The following FNDC3B variants were observed in gnomAD, a reference collection of about 807,000 sequenced individuals.
FNDC3B encodes the protein fibronectin type III domain-containing protein 3B.
A neutral mutation model predicts 151.5 loss-of-function variants in FNDC3B; 12 were observed. The observed-to-expected ratio is 0.08, with a 90% CI of 0.05 to 0.13. The LOEUF is 0.13. Ranked by LOEUF, FNDC3B falls within the 10% of genes least tolerant of loss-of-function variation. The pLI is 1.00. For synonymous variants in FNDC3B, 528 were observed against 549.0 expected (o/e 0.96, Z 0.54); for missense variants, 1,214 against 1,505.3 (o/e 0.81, Z 3.20).
intron 11 of FNDC3B, among the ~76,000 whole-genome samples, chr3:172,323,575 G>A (rs143108739): frequency 1.3e-5 from 2 of 152,178 alleles, no homozygotes; most frequent in East Asian, 3.9e-4. Flanking sequence ...CCTTGTGGGG[G>A]GAAAAAGAAA....
At chr3:172,056,797 G>T (rs776269694) in intron 1 of FNDC3B, among the ~76,000 whole-genome samples, 7 of 152,196 alleles carry the variant, frequency 4.6e-5, no homozygotes, top group Non-Finnish European at 7.3e-5. Context: ...CTTTAAAAGC[G>T]TATGTGAATA....
In FNDC3B at chr3:172,260,973, AAAC is replaced by A. The variant is rs1160325296; in HGVS notation, c.790+9439_790+9441del. 3.3e-5 allele frequency among the ~76,000 whole-genome samples: 5 copies of A among 152,320 alleles called. No individual in the cohort carries two copies. The South Asian group carries it at 8.3e-4, about 25-fold the overall frequency. On this transcript the variant is annotated intron_variant, in intron 6 of 25. Transcript: ENST00000415807. ...GGGACATTAGCTGGAGGCGATGGGC[AAAC>A]AACAACTTCTCTATATTTATTTTTC...
At chr3:172,250,696 A>T (rs1189347640) in intron 5 of FNDC3B, among the ~76,000 whole-genome samples, 1 of 152,226 alleles carries the variant, frequency 6.6e-6, no homozygotes, top group Non-Finnish European at 1.5e-5. Flanking sequence ...TGTCTTCAGT[A>T]TTCTCTGTAA....
At chr3:172,235,368 G>T (rs1727097330) in intron 4 of FNDC3B, among the ~76,000 whole-genome samples, 1 of 152,186 alleles carries the variant, frequency 6.6e-6, no homozygotes, top group Non-Finnish European at 1.5e-5. Flanking sequence ...GAATAATAAA[G>T]ATGTAATTTC....
At chr3:172,066,258 G>A (rs186651873) in intron 1 of FNDC3B, among the ~76,000 whole-genome samples, 3 of 152,182 alleles carry the variant, frequency 2.0e-5, no homozygotes, top group Non-Finnish European at 4.4e-5. Flanking sequence ...GGGGAGATGA[G>A]CAGTGAGGCG....
chr3:172,262,965 G>A (rs1331360630), intron 6 of FNDC3B, among the ~76,000 whole-genome samples: 1 of 142,912 alleles, frequency 7.0e-6, no homozygotes, highest in Non-Finnish European at 1.5e-5. Context: ...TTCCTTTATT[G>A]CTGGGTTAGT....
intron 1 of FNDC3B, among the ~76,000 whole-genome samples, chr3:172,072,299 GC>G (rs1252599351): frequency 6.6e-6 from 1 of 151,268 alleles, no homozygotes; most frequent in Non-Finnish European, 1.5e-5. Flanking sequence ...GGACAGAGAG[GC>G]TATAGAGTTT....
At position 172,347,342 on chromosome 3, in the gene FNDC3B, A is replaced by G; in HGVS notation, c.2495A>G (p.Gln832Arg). The change falls in exon 21 of 26, where the codon CAG becomes CGG. Residue 832 changes from glutamine to arginine, a missense_variant. Physicochemically the swap from Gln to Arg is conservative, Grantham distance 43. Around this residue, in one of 7 missense-constraint regions of FNDC3B, gnomAD observed 380 missense variants for 420.9 expected, o/e 0.90. Transcript: ENST00000415807. ...ATAAGAGACCTGTTGCCTGCTGCAC[A>G]GTATTGCTGTAGACTACAGGTAGGT... ...FEIRDLLPAAQYCCRLQAFNQ... is the reference protein window; with the variant it reads ...FEIRDLLPAARYCCRLQAFNQ... 1.2e-6 allele frequency: 2 copies of G among 1,613,856 alleles called. No individual in the cohort carries two copies. The highest frequency in any genetic ancestry group is 1.7e-6 in the Non-Finnish European group (2 of 1,179,868).
intron 7 of FNDC3B, among the ~76,000 whole-genome samples, chr3:172,287,221 G>A (rs1730067943): frequency 6.6e-6 from 1 of 152,168 alleles, no homozygotes; most frequent in Non-Finnish European, 1.5e-5. Flanking sequence ...ACTTGTTTCT[G>A]TGTCTTTCCC....
rs1576933358 is a variant in FNDC3B at position 172,346,335 on chromosome 3, C to T, written c.2259C>T (p.Pro753=). 1 of 1,604,680 alleles carries T rather than the reference C, an allele frequency of 6.2e-7. No individual in the cohort carries two copies. Among genetic ancestry groups the T allele is most frequent in the Non-Finnish European group, 8.5e-7 (1 of 1,171,932 alleles). ...VRALNDGGYG[P]YSDVSEITTA... is the part of the protein sequence containing the mutation. ...CGTGTGTTTTCTTTCAGTATGGTCC[C>T]TATTCTGATGTCTCAGAAATTACCA... Residue 753 remains proline (P), a synonymous_variant, in exon 20 of 26, where the codon CCC becomes CCT. Transcript: ENST00000415807.
intron 1 of FNDC3B, among the ~76,000 whole-genome samples, chr3:172,042,825 G>GT (rs1410008038): frequency 1.3e-5 from 2 of 149,482 alleles, no homozygotes; most frequent in Non-Finnish European, 3.0e-5. Context: ...AGGAACAACA[G>GT]TTTAAGTTTT....
At chr3:172,310,804 A>G in intron 10 of FNDC3B, 24 bp from the exon 11 acceptor site, 1 of 1,583,062 alleles carries the variant, frequency 6.3e-7, no homozygotes, top group South Asian at 1.1e-5. Flanking sequence ...ACTTTCTCTA[A>G]TCTCATGTTA....
chr3:172,309,967 G>T (rs1162366433), intron 10 of FNDC3B, among the ~76,000 whole-genome samples: 1 of 152,146 alleles, frequency 6.6e-6, no homozygotes, highest in Non-Finnish European at 1.5e-5. Flanking sequence ...TGTGCTGTTT[G>T]TTAGGCTCTT....
At chr3:172,214,424 G>A (rs1466366842) in intron 3 of FNDC3B, among the ~76,000 whole-genome samples, 1 of 152,212 alleles carries the variant, frequency 6.6e-6, no homozygotes, top group Non-Finnish European at 1.5e-5. Flanking sequence ...CTTTTGTAAA[G>A]TTAAGTTAAT....
intron 2 of FNDC3B, among the ~76,000 whole-genome samples, chr3:172,124,620 T>C (rs948656195): frequency 6.6e-6 from 1 of 152,252 alleles, no homozygotes. Flanking sequence ...TTTGAAAGAA[T>C]GCTAAGTGTT....
intron 2 of FNDC3B, among the ~76,000 whole-genome samples, chr3:172,130,552 G>C (rs1721026625): frequency 6.6e-6 from 1 of 152,158 alleles, no homozygotes; most frequent in African/African-American, 2.4e-5. Context: ...GTGGACCTTA[G>C]AGGCTGGATG....
intron 2 of FNDC3B, among the ~76,000 whole-genome samples, chr3:172,124,373 G>A (rs1423529098): frequency 6.6e-6 from 1 of 152,236 alleles, no homozygotes; most frequent in Non-Finnish European, 1.5e-5. Flanking sequence ...TTTCGGGCGT[G>A]AGCCACCACG....
intron 2 of FNDC3B, among the ~76,000 whole-genome samples, chr3:172,121,100 A>G (rs1720522589): frequency 6.6e-6 from 1 of 152,156 alleles, no homozygotes; most frequent in Non-Finnish European, 1.5e-5. Flanking sequence ...TACTCTGTCC[A>G]CTTCACTTAG....
intron 6 of FNDC3B, among the ~76,000 whole-genome samples, chr3:172,278,001 A>G (rs1394986634): frequency 6.6e-6 from 1 of 152,196 alleles, no homozygotes; most frequent in East Asian, 1.9e-4. Context: ...TGGATTTGAT[A>G]CCCATATCAG....
Sources: allele counts gnomAD v4.1 joint callset (sites outside exome capture counted in the v4.1 genomes callset), GRCh38; gene constraint gnomAD v4.1.1; regional missense constraint gnomAD v4.1.1; transcripts MANE v1.5; gene names NCBI Gene and HGNC (gene_info 2026-07-23, HGNC 2026-07-21).